Variants in GIGYF2 observed in about 807,000 individuals in gnomAD.
The protein encoded by GIGYF2 is GRB10-interacting GYF protein 2.
GIGYF2 carries 25 observed loss-of-function variants against 208.1 expected under a neutral mutation model. The observed-to-expected ratio is 0.12, with a 90% CI of 0.09 to 0.17. The LOEUF (loss-of-function observed/expected upper bound fraction) is 0.17. Among genes scored for constraint, GIGYF2 ranks in the 10% least tolerant of loss-of-function variants. The probability of loss-of-function intolerance (pLI) is 1.00; values close to 1 mark genes in which losing one functional copy is unlikely to be tolerated. For missense variants in GIGYF2, 1,302 were observed against 1,579.4 expected (o/e 0.82, Z 2.98); for synonymous variants, 534 against 543.8 (o/e 0.98, Z 0.25).
intron 28 of GIGYF2, among the ~76,000 whole-genome samples, chr2:232,852,478 G>A (rs972250073): frequency 1.3e-5 from 2 of 152,184 alleles, no homozygotes; most frequent in African/African-American, 4.8e-5. Context: ...AGCCTAGGAG[G>A]CGGAGGTTGC....
At chr2:232,817,549 C>G (rs937988335) in intron 20 of GIGYF2, among the ~76,000 whole-genome samples, 1 of 152,202 alleles carries the variant, frequency 6.6e-6, no homozygotes, top group Non-Finnish European at 1.5e-5. Flanking sequence ...CCCACTCCCT[C>G]CATCCATAGC....
In GIGYF2 at chr2:232,727,651, T is replaced by C. The variant is rs542985727; in HGVS notation, c.-43-7504T>C. ...TAGTGAAGGGTTTGGGCTAGAGATC[T>C]CTACCTCTGTGGTCTTTCTCTTTCT... is the stretch of plus-strand genomic sequence containing the variant. On this transcript the variant is annotated intron_variant, in intron 2 of 28. Transcript: ENST00000373563. Among the ~76,000 whole-genome samples, 7 of 152,338 alleles carry C rather than the reference T, an allele frequency of 4.6e-5. No individual in the cohort carries two copies. The South Asian group carries it at 1.2e-3, about 27-fold the overall frequency.
intron 8 of GIGYF2, among the ~76,000 whole-genome samples, chr2:232,780,820 G>T (rs1203254961): frequency 6.6e-6 from 1 of 152,190 alleles, no homozygotes; most frequent in Admixed American, 6.5e-5. Context: ...GCTGAGAAGG[G>T]CCATGTAACT....
chr2:232,849,820 G>A (rs539343061), intron 27 of GIGYF2, among the ~76,000 whole-genome samples: 3 of 152,330 alleles, frequency 2.0e-5, no homozygotes, highest in Non-Finnish European at 2.9e-5. Context: ...TAAGGTACAC[G>A]ACTTTAACTT....
intron 27 of GIGYF2, among the ~76,000 whole-genome samples, 194 bp downstream of exon 27, chr2:232,847,765 A>T (rs1420897694): frequency 6.6e-6 from 1 of 152,240 alleles, no homozygotes; most frequent in Non-Finnish European, 1.5e-5. Flanking sequence ...TAGCAAGTAC[A>T]ACCATTCATT....
At chr2:232,709,759 A>G (rs1364834690) in intron 2 of GIGYF2, among the ~76,000 whole-genome samples, 1 of 151,666 alleles carries the variant, frequency 6.6e-6, no homozygotes, top group African/African-American at 2.4e-5. Flanking sequence ...CAGTGAGCCG[A>G]GATTGCACCA....
At chr2:232,801,670 G>C (rs1171855249) in intron 14 of GIGYF2, among the ~76,000 whole-genome samples, 1 of 152,164 alleles carries the variant, frequency 6.6e-6, no homozygotes, top group Admixed American at 6.5e-5. Flanking sequence ...TGTTTTTTAA[G>C]AGTACAATAC....
At chr2:232,781,954 C>T (rs1341222550) in intron 8 of GIGYF2, among the ~76,000 whole-genome samples, 1 of 152,202 alleles carries the variant, frequency 6.6e-6, no homozygotes, top group Non-Finnish European at 1.5e-5. Context: ...TGATGGTTGA[C>T]TTAATCTCTT....
chr2:232,858,478 G>T lies in GIGYF2; in HGVS notation c.*1618G>T, dbSNP rs900473722. 4.4e-6 allele frequency: 2 copies of T among 455,568 alleles called. No homozygotes were observed. The highest frequency in any genetic ancestry group is 6.9e-5 in the East Asian group (1 of 14,402). 28.2% of individuals were successfully genotyped at this position (455,568 alleles called of 1,614,324 possible). ...GGAGAGGAAACCATTAAAAGTTGGG[G>T]CTCCTACTCTCCTTTGCTTTGTAAA... On this transcript the variant is annotated 3_prime_UTR_variant, in exon 29 of 29. Transcript: ENST00000373563.
chr2:232,778,415 T>A (rs1482459685), intron 8 of GIGYF2, among the ~76,000 whole-genome samples: 2 of 152,242 alleles, frequency 1.3e-5, no homozygotes, highest in Non-Finnish European at 2.9e-5. Context: ...TTTGAAAGTC[T>A]TGCTATGGTC....
intron 5 of GIGYF2, among the ~76,000 whole-genome samples, chr2:232,749,746 G>A (rs1251174323): frequency 6.6e-6 from 1 of 152,120 alleles, no homozygotes; most frequent in African/African-American, 2.4e-5. Context: ...AATCCAGGGA[G>A]CCAAAAATAC....
At chr2:232,814,615 A>G (rs1021456893) in intron 18 of GIGYF2, among the ~76,000 whole-genome samples, 1 of 141,248 alleles carries the variant, frequency 7.1e-6, no homozygotes, top group Non-Finnish European at 1.5e-5. Context: ...TATAAAGTGT[A>G]TATGAAAGAT....
rs561861678 is a variant in GIGYF2 at position 232,803,220 on chromosome 2, G to C, written c.1640-3271G>C. 2.0e-5 allele frequency among the ~76,000 whole-genome samples: 3 copies of C among 152,306 alleles called. No homozygotes were observed. The East Asian group carries it at 5.8e-4, about 29-fold the overall frequency. On this transcript the variant is annotated intron_variant, in intron 14 of 28. Transcript: ENST00000373563. ...CAGAGATTTTTGATTACTGATTCTA[G>C]ATACTAGTCCTTTGATGGATATGTG...
At chr2:232,849,498 A>G (rs1317953044) in intron 27 of GIGYF2, among the ~76,000 whole-genome samples, 1 of 152,150 alleles carries the variant, frequency 6.6e-6, no homozygotes, top group African/African-American at 2.4e-5. Context: ...GGCATCATAC[A>G]GCAATATAGA....
rs751107616 is a variant in GIGYF2 at position 232,851,418 on chromosome 2, T to TTTTTTC, written c.3832+1025_3832+1030dup. 4.2e-3 allele frequency among the ~76,000 whole-genome samples: 645 copies of TTTTTTC among 152,134 alleles called. 2 individuals carry two copies. Among genetic ancestry groups the TTTTTTC allele is most frequent in the Non-Finnish European group, 6.0e-3 (407 of 67,978 alleles). On this transcript the variant is annotated intron_variant, in intron 28 of 28. Transcript: ENST00000373563. ...GCAACAGTGATGAAACTAACATTTT[T>TTTTTTC]TTTTTCTTTTTCTTTTTCTTTGAGA...
At chr2:232,841,252 T>G (rs1701806542) in intron 23 of GIGYF2, among the ~76,000 whole-genome samples, 2 of 152,098 alleles carry the variant, frequency 1.3e-5, no homozygotes, top group Non-Finnish European at 2.9e-5. Flanking sequence ...ACAGGTCTTC[T>G]CCTGTCTACC....
intron 14 of GIGYF2, among the ~76,000 whole-genome samples, chr2:232,798,734 T>G (rs1035040144): frequency 3.3e-5 from 5 of 152,154 alleles, no homozygotes; most frequent in African/African-American, 9.7e-5. Flanking sequence ...CAAGTTTTTC[T>G]TCATGTTTCA....
At chr2:232,739,361 ACC>A (rs35983968) in intron 3 of GIGYF2, among the ~76,000 whole-genome samples, 31,114 of 75,730 alleles carry the variant, frequency 0.41, 5,715 homozygotes, top group South Asian at 0.66. Context: ...ACAAAAGCAA[ACC>A]CCCCCCCCCC....
At chr2:232,714,888 T>G (rs1166862568) in intron 2 of GIGYF2, among the ~76,000 whole-genome samples, 2 of 152,140 alleles carry the variant, frequency 1.3e-5, no homozygotes, top group African/African-American at 4.8e-5. Context: ...TGGTATAGAT[T>G]AGTACCCATT....
Sources: gnomAD v4.1 joint callset for allele counts (sites outside exome capture counted in the v4.1 genomes callset) on GRCh38, gnomAD v4.1.1 for gene constraint, MANE v1.5 for transcripts, NCBI Gene and HGNC (gene_info 2026-07-23, HGNC 2026-07-21) for gene names.